RFWD3: variants seen among roughly 807,000 people sequenced by gnomAD.
The protein encoded by RFWD3 is ring finger and WD repeat domain 3, also known as E3 ubiquitin-protein ligase RFWD3.
A neutral mutation model predicts 87.7 loss-of-function variants in RFWD3; 65 were observed. The ratio of observed to expected loss-of-function variants is 0.74; its 90% CI spans 0.61 to 0.91. The LOEUF (loss-of-function observed/expected upper bound fraction) is 0.91. RFWD3 is among the 40% of genes least tolerant of loss of function. The pLI is 0.00. For synonymous variants in RFWD3, 433 were observed against 352.8 expected (o/e 1.23, Z -2.55); for missense variants, 1,078 against 938.5 (o/e 1.15, Z -1.94).
chr16:74,634,687 T>C (rs1959178950), intron 8 of RFWD3, among the ~76,000 whole-genome samples: 2 of 151,738 alleles, frequency 1.3e-5, no homozygotes, highest in South Asian at 2.1e-4. Context: ...CTGTGCCCAC[T>C]TGAGTTAAAT....
At chr16:74,651,205 T>C (rs557256170) in intron 3 of RFWD3, among the ~76,000 whole-genome samples, 3 of 152,336 alleles carry the variant, frequency 2.0e-5, no homozygotes, top group South Asian at 4.1e-4. Context: ...ACATCTACTT[T>C]AGGGGTCTCT....
intron 11 of RFWD3, among the ~76,000 whole-genome samples, chr16:74,627,541 C>A (rs1219673032): frequency 6.6e-6 from 1 of 152,166 alleles, no homozygotes; most frequent in African/African-American, 2.4e-5. Flanking sequence ...GTGTTTTGTG[C>A]ACTGCCTCCT....
chr16:74,644,831 AT>A (rs1410279891), intron 4 of RFWD3, 96 bp from the exon 5 acceptor site: 109 of 1,102,660 alleles, frequency 9.9e-5, no homozygotes, highest in Non-Finnish European at 1.2e-4. Context: ...TGCAAAAAAA[AT>A]GATACAATCA....
chr16:74,626,592 GCTACACAA>G, intron 11 of RFWD3, 38 bp from the exon 12 acceptor site: 1 of 1,557,084 alleles, frequency 6.4e-7, no homozygotes, highest in Non-Finnish European at 8.8e-7. Flanking sequence ...CCATGGGGAC[GCTACACAA>G]AAAATTAACC....
At chr16:74,624,213 G>C in intron 12 of RFWD3, 142 bp from the exon 13 acceptor site, 3 of 989,114 alleles carry the variant, frequency 3.0e-6, no homozygotes, top group Non-Finnish European at 4.3e-6. Context: ...ACCTTTGCAA[G>C]GTTGTTCAAA....
In RFWD3 at chr16:74,625,199, C is replaced by CAAA. The variant is rs61114405; in HGVS notation, c.2182-1131_2182-1129dup. On this transcript the variant is annotated intron_variant, in intron 12 of 12. Coordinates refer to ENST00000361070, the MANE Select transcript of RFWD3 (RefSeq NM_018124.4). ...TGGGCAACAGAGCAAGACCCTGTCT[C>CAAA]AAAAAAAAAAAAAAGTAGAGAGGGA... is the stretch of plus-strand genomic sequence containing the variant. 3.5e-3 allele frequency among the ~76,000 whole-genome samples: 426 copies of CAAA among 121,854 alleles called. 5 individuals carry two copies. Among genetic ancestry groups the CAAA allele is most frequent in the South Asian group, 0.011 (41 of 3,694 alleles). The allele number at this position is 121,854 out of a possible 152,430, so 79.9% of individuals were successfully genotyped here.
chr16:74,638,170 C>G (rs78639647), intron 6 of RFWD3, among the ~76,000 whole-genome samples, 200 bp from the exon 7 acceptor site: 19,059 of 152,098 alleles, frequency 0.13, 1,452 homozygotes, highest in Admixed American at 0.23. Context: ...AGGAATTTGA[C>G]TATTACTAGA....
chr16:74,631,046 A>G, intron 9 of RFWD3, 89 bp from the exon 10 acceptor site: 2 of 1,208,650 alleles, frequency 1.7e-6, no homozygotes, highest in Non-Finnish European at 2.3e-6. Context: ...ATGATCATTA[A>G]TCCTTACTGA....
At chr16:74,633,459 TAATA>T (rs1959166228) in intron 8 of RFWD3, among the ~76,000 whole-genome samples, 2 of 151,920 alleles carry the variant, frequency 1.3e-5, no homozygotes, top group Admixed American at 1.3e-4. Context: ...AATTAACTAC[TAATA>T]TATACAATAA....
At chr16:74,650,777 T>C (rs1960500669) in intron 3 of RFWD3, among the ~76,000 whole-genome samples, 1 of 152,074 alleles carries the variant, frequency 6.6e-6, no homozygotes, top group Non-Finnish European at 1.5e-5. Flanking sequence ...CTCAGGTGGC[T>C]GAGGCGGGAG....
intron 4 of RFWD3, among the ~76,000 whole-genome samples, chr16:74,646,107 A>G (rs1192418476): frequency 6.6e-6 from 1 of 152,178 alleles, no homozygotes; most frequent in East Asian, 1.9e-4. Flanking sequence ...CAGGTGTAGT[A>G]ATCACACCTA....
At chr16:74,624,759 T>C (rs1159362055) in intron 12 of RFWD3, among the ~76,000 whole-genome samples, 4 of 151,984 alleles carry the variant, frequency 2.6e-5, no homozygotes, top group African/African-American at 9.7e-5. Context: ...ACTTTGGGAG[T>C]CTGAGATGGG....
intron 2 of RFWD3, among the ~76,000 whole-genome samples, chr16:74,656,444 T>C (rs534940539): frequency 6.6e-6 from 1 of 152,226 alleles, no homozygotes; most frequent in Admixed American, 6.5e-5. Context: ...CTAATGGATC[T>C]GGACAAAGTA....
At chr16:74,632,802 C>A in intron 8 of RFWD3, 129 bp from the exon 9 acceptor site, 1 of 753,796 alleles carries the variant, frequency 1.3e-6, no homozygotes, top group South Asian at 1.8e-5. Flanking sequence ...GCTGGTCAAA[C>A]AAAAATTCTC....
intron 2 of RFWD3, among the ~76,000 whole-genome samples, chr16:74,655,827 A>C (rs866407574): frequency 5.6e-4 from 85 of 152,278 alleles, no homozygotes; most frequent in African/African-American, 1.9e-3. Flanking sequence ...CACCCGGCCT[A>C]TGTCTGTGCT....
chr16:74,634,353 T>C (rs927001245), intron 8 of RFWD3, among the ~76,000 whole-genome samples: 6 of 149,570 alleles, frequency 4.0e-5, no homozygotes, highest in Non-Finnish European at 8.8e-5. Context: ...TAGGCTATGA[T>C]AACATTTATT....
At chr16:74,631,370 G>T (rs952847310) in intron 9 of RFWD3, among the ~76,000 whole-genome samples, 1 of 152,036 alleles carries the variant, frequency 6.6e-6, no homozygotes, top group Non-Finnish European at 1.5e-5. Flanking sequence ...TACTCGGGAG[G>T]CTGAGGCAGG....
chr16:74,629,483 AC>A (rs900246833), intron 10 of RFWD3, among the ~76,000 whole-genome samples: 11 of 152,072 alleles, frequency 7.2e-5, no homozygotes, highest in African/African-American at 2.7e-4. Flanking sequence ...ATATGGTGAA[AC>A]CCCATCTCTA....
In RFWD3 at chr16:74,649,145, G is replaced by A; in HGVS notation, c.779C>T (p.Thr260Ile). The A allele has an allele frequency of 6.4e-7, 1 of 1,570,184 alleles. No individual in the cohort carries two copies. Among genetic ancestry groups the A allele is most frequent in the East Asian group, 2.4e-5 (1 of 42,190 alleles). ...QEVTCIDGGK[T>I]LPKQPSPQKS... Reference sequence around the variant, plus strand: ...TGTTCATATTACCTGTTTGGGGAGGGTCTTGCCTCCATCGATACATGTAAC... The same window carrying A: ...TGTTCATATTACCTGTTTGGGGAGGATCTTGCCTCCATCGATACATGTAAC... The change falls in exon 4 of 13, where the codon ACC (threonine) becomes ATC (isoleucine). Residue 260 changes from threonine (T) to isoleucine (I), a missense_variant. Physicochemically the swap from Thr to Ile is moderately conservative, Grantham distance 89. Transcript: ENST00000361070.
Sources: allele counts gnomAD v4.1 joint callset (sites outside exome capture counted in the v4.1 genomes callset), GRCh38; gene constraint gnomAD v4.1.1; transcripts MANE v1.5; gene names NCBI Gene and HGNC (gene_info 2026-07-23, HGNC 2026-07-21).